Variants in CXXC5 observed in about 807,000 individuals in gnomAD.
The protein encoded by CXXC5 is CXXC-type zinc finger protein 5.
CXXC5 carries 2 observed loss-of-function variants against 17.6 expected under a neutral mutation model. The ratio of observed to expected loss-of-function variants is 0.11; its 90% confidence interval spans 0.05 to 0.36. The LOEUF (loss-of-function observed/expected upper bound fraction) is 0.36, where lower values mean the gene tolerates loss of function less well. Among genes scored for constraint, CXXC5 ranks in the 10% least tolerant of loss-of-function variants. The probability of loss-of-function intolerance (pLI) is 1.00; values close to 1 mark genes in which losing one functional copy is unlikely to be tolerated. For missense variants in CXXC5, 343 were observed against 458.3 expected (o/e 0.75, Z 2.30); for synonymous variants, 171 against 193.0 (o/e 0.89, Z 0.94).
intron 2 of CXXC5, 120 bp downstream of exon 2, chr5:139,681,567 C>G (rs551492250): frequency 1.4e-5 from 18 of 1,251,762 alleles, no homozygotes; most frequent in East Asian, 2.4e-5. Flanking sequence ...TGCCCCCTCC[C>G]AGTCCTTGGG....
chr5:139,682,968 A>C lies in CXXC5; in HGVS notation c.*61A>C, dbSNP rs1008966204. On this transcript the variant is annotated 3_prime_UTR_variant, in exon 3 of 3. Transcript: ENST00000302517. ...TGTCACTGCTCGTGTGGTCTCCAGC[A>C]AGGGATTCGGGCGAAGACAAACGGA... 2 of 1,468,330 alleles carry C rather than the reference A, an allele frequency of 1.4e-6. No individual in the cohort carries two copies. The highest frequency in any genetic ancestry group is 2.2e-5 in the Admixed American group (1 of 45,450). 91.0% of individuals were successfully genotyped at this position (1,468,330 alleles called of 1,614,324 possible).
In CXXC5 at chr5:139,658,066, C is replaced by G. The variant is rs1486084712; in HGVS notation, c.-161+9221C>G. Reference sequence around the variant, plus strand: ...CCAGGCCAGGGGCTCCCGACAGCTTCATGCCAGTTCCTGTTGACTCTGATG... The same window carrying G: ...CCAGGCCAGGGGCTCCCGACAGCTTGATGCCAGTTCCTGTTGACTCTGATG... On this transcript the variant is annotated intron_variant, in intron 1 of 2. Coordinates refer to ENST00000302517, the MANE Select transcript of CXXC5 (RefSeq NM_016463.9). The surrounding 1 kb of genome is among the most constrained non-coding windows in gnomAD (Gnocchi z 4.1). 1.3e-5 allele frequency among the ~76,000 whole-genome samples: 2 copies of G among 152,208 alleles called. No individual in the cohort carries two copies. Among genetic ancestry groups the G allele is most frequent in the Admixed American group, 1.3e-4 (2 of 15,288 alleles).
rs140576733 is a variant in CXXC5, at chr5:139,664,964, A to G, written c.-160-15400A>G. Among the ~76,000 whole-genome samples, 1,309 of 152,326 alleles carry G rather than the reference A, an allele frequency of 8.6e-3. 15 individuals carry two copies. Among genetic ancestry groups the G allele is most frequent in the Middle Eastern group, 0.037 (11 of 294 alleles). On this transcript the variant is annotated intron_variant, in intron 1 of 2. Transcript: ENST00000302517. ...GATGTGGACAGAGCACATGGCACAG[A>G]ACTGATAGAGTGTGGTGACAGCGGA...
rs912524401 is a variant in CXXC5, at chr5:139,654,167, C to T, written c.-161+5322C>T. On this transcript the variant is annotated intron_variant, in intron 1 of 2. Coordinates refer to ENST00000302517, the MANE Select transcript of CXXC5 (RefSeq NM_016463.9). ...CAAAGCAGTTGCCATCTCCCCAACC[C>T]CCCACGGCAGTTGTGACCTTGTTTT... Among the ~76,000 whole-genome samples the T allele has an allele frequency of 2.4e-4, 36 of 151,728 alleles. 1 individual carries two copies. Among genetic ancestry groups the T allele is most frequent in the Admixed American group, 2.4e-3 (36 of 15,202 alleles).
At chr5:139,660,441 T>C (rs1472804427) in intron 1 of CXXC5, among the ~76,000 whole-genome samples, 1 of 152,150 alleles carries the variant, frequency 6.6e-6, no homozygotes, top group Admixed American at 6.5e-5. Context: ...ACAGGCAGGA[T>C]GCAGGGGCCA....
At chr5:139,660,489 AG>A (rs1206560369) in intron 1 of CXXC5, among the ~76,000 whole-genome samples, 1 of 152,040 alleles carries the variant, frequency 6.6e-6, no homozygotes, top group East Asian at 1.9e-4. Context: ...TGCTCTGGGG[AG>A]GGGACCTCAG....
intron 1 of CXXC5, among the ~76,000 whole-genome samples, chr5:139,655,951 C>G (rs1404455253): frequency 1.3e-5 from 2 of 152,214 alleles, no homozygotes; most frequent in East Asian, 1.9e-4. Flanking sequence ...GCTGCCGGCC[C>G]CAGCAGGGCA....
chr5:139,656,088 G>A (rs1581570085), intron 1 of CXXC5, among the ~76,000 whole-genome samples: 2 of 152,224 alleles, frequency 1.3e-5, no homozygotes, highest in Non-Finnish European at 2.9e-5. Flanking sequence ...CTCCTCAGAC[G>A]TGCCCAGCCT....
intron 1 of CXXC5, among the ~76,000 whole-genome samples, chr5:139,650,219 C>T (rs1261520010): frequency 6.6e-6 from 1 of 152,138 alleles, no homozygotes. Context: ...TCTCCCGCGA[C>T]GGGGGTCTGA....
At chr5:139,660,472 T>C (rs1755734598) in intron 1 of CXXC5, among the ~76,000 whole-genome samples, 1 of 151,884 alleles carries the variant, frequency 6.6e-6, no homozygotes, top group Non-Finnish European at 1.5e-5. Flanking sequence ...CCTAAAGGCG[T>C]TTGGGGTGCT....
rs528998759 is a variant in CXXC5, at chr5:139,674,955, G to C, written c.-160-5409G>C. Among the ~76,000 whole-genome samples the C allele has an allele frequency of 2.0e-5, 3 of 152,296 alleles. 1 individual carries two copies. Among genetic ancestry groups the C allele is most frequent in the Middle Eastern group, 6.8e-3 (2 of 294 alleles). On this transcript the variant is annotated intron_variant, in intron 1 of 2. Coordinates refer to ENST00000302517, the MANE Select transcript of CXXC5 (RefSeq NM_016463.9). Reference sequence around the variant, plus strand: ...CCCACCTGCTTAGGCTCTCTTTCATGCCTTTGTCCCCTCTCATTGCTTCTC... The same window carrying C: ...CCCACCTGCTTAGGCTCTCTTTCATCCCTTTGTCCCCTCTCATTGCTTCTC...
chr5:139,653,030 C>T (rs565733157), intron 1 of CXXC5, among the ~76,000 whole-genome samples: 30 of 152,226 alleles, frequency 2.0e-4, no homozygotes, highest in Non-Finnish European at 8.8e-5. Context: ...ACTGAATCTC[C>T]CCCTCTGGTT....
intron 1 of CXXC5, among the ~76,000 whole-genome samples, chr5:139,677,257 C>T (rs1426352596): frequency 6.6e-6 from 1 of 152,100 alleles, no homozygotes; most frequent in African/African-American, 2.4e-5. Context: ...CGCTCATTCC[C>T]GCTCCGCTTC....
intron 1 of CXXC5, among the ~76,000 whole-genome samples, chr5:139,667,569 C>G (rs368478545): frequency 2.8e-4 from 43 of 152,216 alleles, no homozygotes; most frequent in African/African-American, 9.9e-4. Flanking sequence ...CACTTGGTAC[C>G]GGCTGGGGTC....
At chr5:139,681,864 C>T (rs1393788445) in intron 2 of CXXC5, among the ~76,000 whole-genome samples, 3 of 152,216 alleles carry the variant, frequency 2.0e-5, no homozygotes, top group Admixed American at 2.0e-4. Flanking sequence ...GATTCTGTTT[C>T]ACGGGCCCTG....
chr5:139,679,214 C>A (rs951183468), intron 1 of CXXC5, among the ~76,000 whole-genome samples: 2 of 152,214 alleles, frequency 1.3e-5, no homozygotes, highest in African/African-American at 4.8e-5. Flanking sequence ...ACTCTGCAGG[C>A]CTTGTGAGGC....
chr5:139,664,213 C>T lies in CXXC5; in HGVS notation c.-161+15368C>T, dbSNP rs376923730. Among the ~76,000 whole-genome samples the T allele has an allele frequency of 8.5e-5, 13 of 152,302 alleles. No individual in the cohort carries two copies. In the East Asian group the frequency reaches 9.7e-4, roughly 11 times the overall value. On this transcript the variant is annotated intron_variant, in intron 1 of 2. Transcript: ENST00000302517. Reference sequence around the variant, plus strand: ...GGGTGGATGGGTGGGTGGGGGATCCCCTGAGGAGCAGATGGATGCCCCTTG... The same window carrying T: ...GGGTGGATGGGTGGGTGGGGGATCCTCTGAGGAGCAGATGGATGCCCCTTG...
intron 1 of CXXC5, among the ~76,000 whole-genome samples, chr5:139,678,388 C>A (rs79675396): frequency 6.6e-6 from 1 of 152,210 alleles, no homozygotes; most frequent in Non-Finnish European, 1.5e-5. Flanking sequence ...GCCCCCCAAC[C>A]CAGCCTGGAT....
At position 139,681,199 on chromosome 5, in the gene CXXC5, G is replaced by T. The variant is rs1248324830; in HGVS notation, c.676G>T (p.Ala226Ser). Residue 226 changes from alanine (A) to serine (S), a missense_variant, in exon 2 of 3, where the codon GCA becomes TCA. Coordinates refer to ENST00000302517, the MANE Select transcript of CXXC5 (RefSeq NM_016463.9). ...CCCAGGCCTCTTCATTATGACCCCGGCAGGTGTGTTCCTGGCCGAGAGCGC... is the reference window on the plus strand; with the variant it reads ...CCCAGGCCTCTTCATTATGACCCCGTCAGGTGTGTTCCTGGCCGAGAGCGC... ...INPGLFIMTPAGVFLAESALH... is the reference protein window; with the variant it reads ...INPGLFIMTPSGVFLAESALH... 11 of 1,612,770 alleles carry T rather than the reference G, an allele frequency of 6.8e-6. No homozygotes were observed. The highest frequency in any genetic ancestry group is 9.3e-6 in the Non-Finnish European group (11 of 1,179,978).
Sources: gnomAD v4.1 joint callset for allele counts (sites outside exome capture counted in the v4.1 genomes callset) on GRCh38, gnomAD v4.1.1 for gene constraint, Gnocchi (gnomAD v3.1) non-coding constraint, MANE v1.5 for transcripts, NCBI Gene and HGNC (gene_info 2026-07-23, HGNC 2026-07-21) for gene names.